RPGRIP1: variants seen among roughly 807,000 people sequenced by gnomAD.
RPGRIP1 encodes the protein RPGR interacting protein 1.
A neutral mutation model predicts 157.9 loss-of-function variants in RPGRIP1; 128 were observed. That is an observed-to-expected ratio of 0.81 (90% CI 0.70 to 0.94). RPGRIP1 has a LOEUF of 0.94. Ranked by LOEUF, RPGRIP1 falls within the 40% of genes least tolerant of loss-of-function variation. The pLI, the probability that RPGRIP1 is intolerant of heterozygous loss-of-function variation, is 0.00. For synonymous variants in RPGRIP1, 554 were observed against 571.6 expected, an observed-to-expected ratio of 0.97 and a Z score of 0.44; for missense variants, 1,486 against 1,545.8, an observed-to-expected ratio of 0.96 and a Z score of 0.65.
Position 21,317,749 on chromosome 14 carries a change from T to A in RPGRIP1, c.1205T>A (p.Ile402Lys). Residue 402 changes from isoleucine (I) to lysine (K), a missense_variant, in exon 11 of 25, where the codon ATA (isoleucine) becomes AAA (lysine). Transcript: ENST00000400017. Reference sequence around the variant, plus strand: ...CAGCCCCACTGGAGCAACGAGCTCATAGCGGAACAGCTACAGCAGCAAGTC... The same window carrying A: ...CAGCCCCACTGGAGCAACGAGCTCAAAGCGGAACAGCTACAGCAGCAAGTC... Reference protein sequence around the residue: ...SSQPHWSNELIAEQLQQQVSQ... With the variant: ...SSQPHWSNELKAEQLQQQVSQ... 1 of 1,593,450 alleles carries A rather than the reference T, an allele frequency of 6.3e-7. No individual in the cohort carries two copies. The highest frequency in any genetic ancestry group is 1.8e-5 in the Admixed American group (1 of 56,452).
chr14:21,307,871 G>A (rs1881384061), intron 7 of RPGRIP1, 35 bp downstream of exon 7: 8 of 1,168,676 alleles, frequency 6.8e-6, no homozygotes, highest in Non-Finnish European at 9.6e-6. Context: ...TTTCTTGGTG[G>A]GGGGAAACCC....
intron 3 of RPGRIP1, 21 bp downstream of exon 3, chr14:21,294,830 ATTTTTTTTTTTTTTT>A (rs746359185): frequency 1.7e-4 from 131 of 777,816 alleles, no homozygotes; most frequent in African/African-American, 9.8e-4. Context: ...TTCTCCTTAA[ATTTTTTTTTTTTTTT>A]TTTTTTTTTT....
Position 21,294,658 on chromosome 14 carries a change from C to T in RPGRIP1, c.86-19C>T. Reference sequence around the variant, plus strand: ...TAGGTGTAAAAATACTGTCCATTTACTGTTTTCTGGGACTTTAGGTAAGAA... The same window carrying T: ...TAGGTGTAAAAATACTGTCCATTTATTGTTTTCTGGGACTTTAGGTAAGAA... On this transcript the variant is annotated intron_variant, in intron 2 of 24. Coordinates refer to ENST00000400017, the MANE Select transcript of RPGRIP1 (RefSeq NM_020366.4). 1 of 1,611,352 alleles carries T rather than the reference C, an allele frequency of 6.2e-7. No individual in the cohort carries two copies. The highest frequency in any genetic ancestry group is 8.5e-7 in the Non-Finnish European group (1 of 1,178,570).
intron 6 of RPGRIP1, 51 bp downstream of exon 6, chr14:21,303,594 A>G (rs1169498552): frequency 7.3e-7 from 1 of 1,371,624 alleles, no homozygotes. Flanking sequence ...GAAAAAGCTA[A>G]GAGATTCTTA....
chr14:21,300,093 C>T (rs1188343947), intron 3 of RPGRIP1, among the ~76,000 whole-genome samples: 2 of 152,146 alleles, frequency 1.3e-5, no homozygotes, highest in Non-Finnish European at 2.9e-5. Context: ...GTCAGGAGTT[C>T]GAGATCAGCC....
chr14:21,282,571 A>G (rs1283593562), intron 1 of RPGRIP1, among the ~76,000 whole-genome samples: 1 of 148,742 alleles, frequency 6.7e-6, no homozygotes, highest in Non-Finnish European at 1.5e-5. Context: ...TTGAGTTCAA[A>G]ACAATTGATA....
At chr14:21,286,660 T>C (rs1399853799) in intron 1 of RPGRIP1, among the ~76,000 whole-genome samples, 3 of 151,654 alleles carry the variant, frequency 2.0e-5, no homozygotes, top group Non-Finnish European at 4.4e-5. Flanking sequence ...CCAGGCATGG[T>C]GGCACATGCC....
intron 7 of RPGRIP1, among the ~76,000 whole-genome samples, chr14:21,309,103 G>A (rs144816587): frequency 2.6e-4 from 39 of 152,274 alleles, no homozygotes; most frequent in African/African-American, 8.4e-4. Context: ...TTTCCTGCTA[G>A]ACAAAAAACG....
chr14:21,303,680 C>T, intron 6 of RPGRIP1, 137 bp downstream of exon 6: 1 of 682,142 alleles, frequency 1.5e-6, no homozygotes, highest in Non-Finnish European at 2.5e-6. Context: ...CACGGAGTCC[C>T]TCGTAGGTTA....
In RPGRIP1 at chr14:21,304,420, A is replaced by AAAGAAAGAAAGAAAGAAAGAAAGG. The variant is rs1555365576; in HGVS notation, c.800+900_800+901insGAAGAAAGAAAGAAAGAAAGAAAG. Among the ~76,000 whole-genome samples the AAAGAAAGAAAGAAAGAAAGAAAGG allele has an allele frequency of 1.9e-3, 285 of 150,922 alleles. 4 individuals carry two copies. The highest frequency in any genetic ancestry group is 0.014 in the East Asian group (72 of 4,990). On this transcript the variant is annotated intron_variant, in intron 6 of 24. Transcript: ENST00000400017. ...GAAAGAAAGAAAGAAAGAAAGAAAGAAAGAAAGAAAGAAAGAAAGAAAGAA... is the reference window on the plus strand; with the variant it reads ...GAAAGAAAGAAAGAAAGAAAGAAAGAAAGAAAGAAAGAAAGAAAGAAAGGAAGAAAGAAAGAAAGAAAGAAAGAA...
At chr14:21,313,270 G>A (rs1196168834) in intron 10 of RPGRIP1, among the ~76,000 whole-genome samples, 1 of 151,570 alleles carries the variant, frequency 6.6e-6, no homozygotes, top group Non-Finnish European at 1.5e-5. Context: ...GGGAGGCAGA[G>A]GTGGGAGGAT....
chr14:21,283,918 A>G (rs1337070965), intron 1 of RPGRIP1, among the ~76,000 whole-genome samples: 1 of 152,194 alleles, frequency 6.6e-6, no homozygotes, highest in Non-Finnish European at 1.5e-5. Context: ...AACGTGAGCC[A>G]CCGTGCCTGG....
chr14:21,308,049 G>C (rs1229931829), intron 7 of RPGRIP1, among the ~76,000 whole-genome samples: 6 of 152,202 alleles, frequency 3.9e-5, no homozygotes, highest in African/African-American at 1.4e-4. Flanking sequence ...TCTATTAAGA[G>C]GAAGGCTCAA....
intron 11 of RPGRIP1, 94 bp from the exon 12 acceptor site, chr14:21,319,923 C>A: frequency 1.7e-6 from 2 of 1,157,134 alleles, no homozygotes; most frequent in South Asian, 1.4e-5. Context: ...ATTAATTAAA[C>A]CTTAGTGGGA....
intron 12 of RPGRIP1, 56 bp downstream of exon 12, chr14:21,320,233 T>C: frequency 2.1e-6 from 3 of 1,449,108 alleles, no homozygotes; most frequent in Non-Finnish European, 2.9e-6. Flanking sequence ...CTGGCAAATA[T>C]CTCTAGGGAA....
intron 24 of RPGRIP1, among the ~76,000 whole-genome samples, chr14:21,350,324 TGAG>T (rs1264008262): frequency 4.7e-4 from 69 of 146,370 alleles, no homozygotes; most frequent in Admixed American, 8.4e-4. Flanking sequence ...TGCAGTGAGC[TGAG>T]ATCAAGTCAC....
chr14:21,344,810 G>T (rs543540730), intron 22 of RPGRIP1, among the ~76,000 whole-genome samples: 1 of 152,284 alleles, frequency 6.6e-6, no homozygotes, highest in East Asian at 1.9e-4. Flanking sequence ...GCCGGGCATG[G>T]TGGGGTGCAC....
intron 11 of RPGRIP1, among the ~76,000 whole-genome samples, chr14:21,319,336 C>T (rs958073974): frequency 1.3e-5 from 2 of 152,222 alleles, no homozygotes; most frequent in African/African-American, 2.4e-5. Context: ...CCGAGGCCAG[C>T]AGATCACATG....
rs768117752 is a variant in RPGRIP1, at chr14:21,325,052, G to A, written c.2197G>A (p.Gly733Ser). 3 of 1,610,684 alleles carry A rather than the reference G, an allele frequency of 1.9e-6. No individual in the cohort carries two copies. The highest frequency in any genetic ancestry group is 2.2e-5 in the South Asian group (2 of 90,978). ...RVLETVEKVH[G>S]LATLIGAGGE... ...GCTAGAGACTGTGGAGAAAGTCCATGGCTTGGCCACACTGATTGGTAAGTG... is the reference window on the plus strand; with the variant it reads ...GCTAGAGACTGTGGAGAAAGTCCATAGCTTGGCCACACTGATTGGTAAGTG... Residue 733 changes from glycine to serine, a missense_variant, in exon 15 of 25, where the codon GGC (glycine) becomes AGC (serine). By Grantham distance (56) the Gly-to-Ser change is moderately conservative. Coordinates refer to ENST00000400017, the MANE Select transcript of RPGRIP1 (RefSeq NM_020366.4).
Sources: gnomAD v4.1 joint callset for allele counts (sites outside exome capture counted in the v4.1 genomes callset) on GRCh38, gnomAD v4.1.1 for gene constraint, MANE v1.5 for transcripts, NCBI Gene and HGNC (gene_info 2026-07-23, HGNC 2026-07-21) for gene names.